Variants in TSHZ3 observed in about 807,000 individuals in gnomAD.
TSHZ3 encodes teashirt zinc finger homeobox 3.
In TSHZ3, 10 loss-of-function variants were observed where a neutral mutation model predicts 64.5. The ratio of observed to expected loss-of-function variants is 0.16; its 90% confidence interval spans 0.10 to 0.26. The LOEUF (loss-of-function observed/expected upper bound fraction) is 0.26, where lower values mean the gene tolerates loss of function less well. TSHZ3 is among the 10% of genes least tolerant of loss of function. The probability of loss-of-function intolerance (pLI) is 1.00; values close to 1 mark genes in which losing one functional copy is unlikely to be tolerated. For synonymous variants in TSHZ3, 608 were observed against 593.1 expected (o/e 1.03, Z -0.36); for missense variants, 1,242 against 1,421.7 (o/e 0.87, Z 2.03).
At position 31,276,781 on chromosome 19, in the gene TSHZ3, C is replaced by T. The variant is rs1343115417; in HGVS notation, c.3012G>A (p.Arg1004=). The change falls in exon 2 of 2, where the codon CGG becomes CGA. Residue 1004 remains arginine (R), a synonymous_variant. Transcript: ENST00000240587. ...HLESHLGFRL[R]DLSKLSTEQI... is the part of the protein sequence containing the mutation. ...GTTCGGTGGACAGTTTGGATAAGTC[C>T]CGTAGCCGGAAGCCTAAGTGTGACT... The T allele has an allele frequency of 1.9e-6, 3 of 1,613,936 alleles. No individual in the cohort carries two copies. Among genetic ancestry groups the T allele is most frequent in the East Asian group, 2.2e-5 (1 of 44,890 alleles).
At chr19:31,348,963 A>C (rs1045107293) in intron 1 of TSHZ3, 2 of 550,314 alleles carry the variant, frequency 3.6e-6, no homozygotes, top group East Asian at 3.5e-5. Context: ...CGGCTCCCCA[A>C]ATGGGTGCGA....
exon 7 of TSHZ3, among the ~76,000 whole-genome samples, chr19:31,151,505 C>T (rs368941950): frequency 6.6e-6 from 1 of 152,150 alleles, no homozygotes; most frequent in Admixed American, 6.5e-5. Context: ...ATTGTTTAAA[C>T]GTTGTACACA....
At chr19:31,192,210 G>A (rs1286901135) in intron 5 of TSHZ3, among the ~76,000 whole-genome samples, 1 of 152,106 alleles carries the variant, frequency 6.6e-6, no homozygotes, top group Non-Finnish European at 1.5e-5. Context: ...TTAAACCAAA[G>A]AAGACAGGAA....
intron 5 of TSHZ3, among the ~76,000 whole-genome samples, chr19:31,156,917 G>A (rs1031705159): frequency 5.9e-5 from 9 of 152,156 alleles, no homozygotes; most frequent in Non-Finnish European, 1.2e-4. Flanking sequence ...GGATGGGGCT[G>A]GCAGGCCACT....
chr19:31,304,328 C>T (rs528673100), intron 1 of TSHZ3, among the ~76,000 whole-genome samples: 2 of 152,280 alleles, frequency 1.3e-5, no homozygotes, highest in Admixed American at 1.3e-4. Context: ...CAGAAACTTG[C>T]TCAAGGGGAC....
At chr19:31,334,518 A>C (rs993400159) in intron 1 of TSHZ3, among the ~76,000 whole-genome samples, 2 of 152,194 alleles carry the variant, frequency 1.3e-5, no homozygotes, top group African/African-American at 2.4e-5. Flanking sequence ...ACACTGGTTA[A>C]TTTCTGCTGC....
At chr19:31,304,343 C>A (rs946659609) in intron 1 of TSHZ3, among the ~76,000 whole-genome samples, 1 of 152,106 alleles carries the variant, frequency 6.6e-6, no homozygotes, top group African/African-American at 2.4e-5. Flanking sequence ...GGGGACTGGG[C>A]AAGCAGGGCC....
At chr19:31,250,073 C>T (rs1326255253) in intron 1 of TSHZ3, among the ~76,000 whole-genome samples, 4 of 152,172 alleles carry the variant, frequency 2.6e-5, no homozygotes, top group Admixed American at 1.3e-4. Flanking sequence ...AGCACATGCC[C>T]GGGACACACC....
At chr19:31,154,398 G>C (rs1974276421) in intron 6 of TSHZ3, among the ~76,000 whole-genome samples, 1 of 152,182 alleles carries the variant, frequency 6.6e-6, no homozygotes, top group Non-Finnish European at 1.5e-5. Context: ...GACCAAGATA[G>C]ATATTATACC....
chr19:31,156,126 A>G (rs1974302889), intron 6 of TSHZ3, among the ~76,000 whole-genome samples: 2 of 152,320 alleles, frequency 1.3e-5, no homozygotes, highest in Non-Finnish European at 2.9e-5. Flanking sequence ...CAGATGGGCC[A>G]ATGTTAATTT....
At chr19:31,238,572 T>C (rs1486278938) in intron 3 of TSHZ3, among the ~76,000 whole-genome samples, 1 of 152,196 alleles carries the variant, frequency 6.6e-6, no homozygotes, top group Non-Finnish European at 1.5e-5. Flanking sequence ...TTTGATGCCC[T>C]ATGATAAACG....
chr19:31,327,634 A>T (rs1306961949), intron 1 of TSHZ3, among the ~76,000 whole-genome samples: 4 of 152,358 alleles, frequency 2.6e-5, no homozygotes. Flanking sequence ...GTAAGAATAC[A>T]TATATGTACA....
At chr19:31,251,505 C>T (rs1215544427) in intron 1 of TSHZ3, among the ~76,000 whole-genome samples, 2 of 152,146 alleles carry the variant, frequency 1.3e-5, no homozygotes, top group Non-Finnish European at 2.9e-5. Flanking sequence ...TCTTTGACCT[C>T]CTTCACAGCA....
intron 1 of TSHZ3, among the ~76,000 whole-genome samples, chr19:31,245,244 T>G (rs1975745712): frequency 6.6e-6 from 1 of 152,176 alleles, no homozygotes; most frequent in African/African-American, 2.4e-5. Flanking sequence ...ACATTTGCTG[T>G]GCAACCTTAA....
rs192963344 is a variant in TSHZ3, at chr19:31,304,687, G to A, written c.41-24935C>T. 1.9e-3 allele frequency among the ~76,000 whole-genome samples: 282 copies of A among 152,142 alleles called. 1 individual carries two copies. The highest frequency in any genetic ancestry group is 6.7e-3 in the Admixed American group (102 of 15,276). Reference sequence around the variant, plus strand: ...GAGTTAGAGGGAAAAGTGTCTGAGGGCTTAAATATTGCTGCAGAGCAGTAG... The same window carrying A: ...GAGTTAGAGGGAAAAGTGTCTGAGGACTTAAATATTGCTGCAGAGCAGTAG... On this transcript the variant is annotated intron_variant, in intron 1 of 1. Coordinates refer to ENST00000240587, the MANE Select transcript of TSHZ3 (RefSeq NM_020856.4).
intron 5 of TSHZ3, among the ~76,000 whole-genome samples, chr19:31,200,363 G>A (rs1975063007): frequency 6.6e-6 from 1 of 152,008 alleles, no homozygotes; most frequent in Non-Finnish European, 1.5e-5. Flanking sequence ...CTAAAAGTCT[G>A]GTACATCTTG....
intron 1 of TSHZ3, among the ~76,000 whole-genome samples, chr19:31,312,677 T>A (rs1299019020): frequency 3.3e-5 from 5 of 152,270 alleles, no homozygotes; most frequent in Non-Finnish European, 7.4e-5. Context: ...GTTCCACCGG[T>A]GGTACAAGAA....
chr19:31,326,160 T>G (rs1916925380), intron 1 of TSHZ3, among the ~76,000 whole-genome samples: 1 of 152,236 alleles, frequency 6.6e-6, no homozygotes, highest in Non-Finnish European at 1.5e-5. Flanking sequence ...TGTGGATTTC[T>G]CATTTAAAAT....
intron 1 of TSHZ3, among the ~76,000 whole-genome samples, chr19:31,339,863 T>C (rs1917376186): frequency 6.7e-6 from 1 of 150,016 alleles, no homozygotes; most frequent in Admixed American, 6.6e-5. Context: ...TCGAAGTCCC[T>C]AGCTGTCGCA....
Sources: allele counts gnomAD v4.1 joint callset (sites outside exome capture counted in the v4.1 genomes callset), GRCh38; gene constraint gnomAD v4.1.1; transcripts MANE v1.5; gene names NCBI Gene and HGNC (gene_info 2026-07-23, HGNC 2026-07-21).